Variants in RIT2 observed in about 807,000 individuals in gnomAD.
RIT2 encodes Ras like without CAAX 2, also known as GTP-binding protein Rit2.
A neutral mutation model predicts 23.7 loss-of-function variants in RIT2; 24 were observed. The ratio of observed to expected loss-of-function variants is 1.01; its 90% CI spans 0.73 to 1.43. The LOEUF (loss-of-function observed/expected upper bound fraction) is 1.43. RIT2 is among the 40% of genes most tolerant of loss of function. The probability of loss-of-function intolerance (pLI) is 0.00; values close to 1 mark genes in which losing one functional copy is unlikely to be tolerated. For missense variants in RIT2, 236 were observed against 266.9 expected, an observed-to-expected ratio of 0.88 and a Z score of 0.81; for synonymous variants, 107 against 91.1, an observed-to-expected ratio of 1.17 and a Z score of -0.99.
intron 1 of RIT2, among the ~76,000 whole-genome samples, chr18:43,106,635 C>G (rs935360603): frequency 6.6e-6 from 1 of 152,186 alleles, no homozygotes; most frequent in Non-Finnish European, 1.5e-5. Flanking sequence ...CCCCACTCCC[C>G]CTTCGGCTTT....
intron 4 of RIT2, among the ~76,000 whole-genome samples, chr18:42,890,867 G>A (rs191171316): frequency 6.6e-6 from 1 of 152,162 alleles, no homozygotes; most frequent in East Asian, 1.9e-4. Flanking sequence ...TAGGGAATAG[G>A]ACAGTTGATC....
chr18:43,069,266 C>T (rs1411160137), intron 1 of RIT2, among the ~76,000 whole-genome samples: 1 of 152,086 alleles, frequency 6.6e-6, no homozygotes, highest in Admixed American at 6.6e-5. Context: ...TGTTCCTCCT[C>T]TTACTATTGG....
At chr18:43,112,149 T>C (rs1913967135) in intron 1 of RIT2, among the ~76,000 whole-genome samples, 2 of 152,318 alleles carry the variant, frequency 1.3e-5, no homozygotes, top group Admixed American at 6.5e-5. Flanking sequence ...GCATTATCAA[T>C]GGATCTGTTT....
intron 4 of RIT2, among the ~76,000 whole-genome samples, chr18:42,760,748 G>A (rs1913280876): frequency 2.6e-5 from 4 of 152,082 alleles, no homozygotes; most frequent in Non-Finnish European, 1.5e-5. Context: ...TAAACAGAAG[G>A]CCATTTGCTT....
intron 4 of RIT2, among the ~76,000 whole-genome samples, chr18:42,784,979 A>C (rs1490336679): frequency 2.6e-5 from 4 of 152,106 alleles, no homozygotes; most frequent in Non-Finnish European, 5.9e-5. Flanking sequence ...CTACTTTCCA[A>C]CTATGAGTCA....
At chr18:43,043,594 C>T (rs1023872238) in intron 1 of RIT2, among the ~76,000 whole-genome samples, 2 of 152,168 alleles carry the variant, frequency 1.3e-5, no homozygotes, top group Middle Eastern at 3.4e-3. Flanking sequence ...AGTTCAAGAC[C>T]AGCCTGACCA....
intron 4 of RIT2, among the ~76,000 whole-genome samples, chr18:42,855,906 AT>A (rs1007053868): frequency 4.6e-5 from 7 of 151,898 alleles, no homozygotes; most frequent in Non-Finnish European, 7.4e-5. Context: ...AAATTTTAGT[AT>A]TTTTTTTAAG....
At chr18:43,073,727 C>G (rs1035186082) in intron 1 of RIT2, among the ~76,000 whole-genome samples, 1 of 152,164 alleles carries the variant, frequency 6.6e-6, no homozygotes, top group Non-Finnish European at 1.5e-5. Context: ...TAGGAACCCT[C>G]CCCTCCAGCA....
intron 2 of RIT2, among the ~76,000 whole-genome samples, chr18:43,033,370 G>C (rs998884850): frequency 2.6e-5 from 4 of 152,054 alleles, no homozygotes; most frequent in African/African-American, 9.7e-5. Flanking sequence ...ATAATATTAT[G>C]TCTATATCTA....
At chr18:42,769,857 T>TAATAATAATAAC (rs1913508385) in intron 4 of RIT2, among the ~76,000 whole-genome samples, 2 of 147,710 alleles carry the variant, frequency 1.4e-5, no homozygotes, top group Non-Finnish European at 3.0e-5. Context: ...ATAATAATAA[T>TAATAATAATAAC]AATAATAATA....
At chr18:43,025,028 C>T (rs571731401) in intron 2 of RIT2, among the ~76,000 whole-genome samples, 8 of 151,570 alleles carry the variant, frequency 5.3e-5, no homozygotes, top group South Asian at 4.2e-4. Context: ...GCCAACATGG[C>T]GAAACCTCAT....
chr18:42,923,469 T>A, intron 4 of RIT2, 103 bp downstream of exon 4: 1 of 950,712 alleles, frequency 1.1e-6, no homozygotes, highest in South Asian at 1.6e-5. Flanking sequence ...GTGCATAATT[T>A]CTTTCTCATA....
intron 4 of RIT2, among the ~76,000 whole-genome samples, chr18:42,842,504 T>G (rs1431914595): frequency 6.6e-6 from 1 of 152,150 alleles, no homozygotes; most frequent in Non-Finnish European, 1.5e-5. Flanking sequence ...TAAATATACA[T>G]TATAGGAGAT....
chr18:42,787,454 A>G (rs1034747797), intron 4 of RIT2, among the ~76,000 whole-genome samples: 8 of 152,110 alleles, frequency 5.3e-5, no homozygotes, highest in Admixed American at 4.6e-4. Context: ...AGAATATAAT[A>G]AACACTCAAT....
At chr18:43,007,392 A>C (rs1486490272) in intron 2 of RIT2, among the ~76,000 whole-genome samples, 1 of 151,702 alleles carries the variant, frequency 6.6e-6, no homozygotes, top group Non-Finnish European at 1.5e-5. Flanking sequence ...AGCTCTGTTC[A>C]CTGAAAAACT....
At chr18:42,743,796 G>T in intron 4 of RIT2, 76 bp from the exon 5 acceptor site, 3 of 1,173,984 alleles carry the variant, frequency 2.6e-6, no homozygotes, top group Non-Finnish European at 3.6e-6. Flanking sequence ...CTCTACTAGA[G>T]CTGTGTGTCA....
chr18:42,827,723 A>G (rs1395112736), intron 4 of RIT2, among the ~76,000 whole-genome samples: 2 of 152,078 alleles, frequency 1.3e-5, no homozygotes, highest in Non-Finnish European at 2.9e-5. Context: ...AGAAAAATGT[A>G]GGCCAGGCGT....
intron 2 of RIT2, among the ~76,000 whole-genome samples, chr18:42,978,336 A>G (rs944251459): frequency 2.0e-5 from 3 of 151,498 alleles, no homozygotes; most frequent in African/African-American, 7.3e-5. Flanking sequence ...AAAAGTGTCT[A>G]TCAGAGTACA....
At chr18:42,886,624 C>T (rs1182461184) in intron 4 of RIT2, among the ~76,000 whole-genome samples, 1 of 152,172 alleles carries the variant, frequency 6.6e-6, no homozygotes, top group African/African-American at 2.4e-5. Context: ...TGTAATTTGA[C>T]ATCTGTATGG....
Sources: gnomAD v4.1 joint callset for allele counts (sites outside exome capture counted in the v4.1 genomes callset) on GRCh38, gnomAD v4.1.1 for gene constraint, MANE v1.5 for transcripts, NCBI Gene and HGNC (gene_info 2026-07-23, HGNC 2026-07-21) for gene names.